Variants in ALKBH8 observed in about 807,000 individuals in gnomAD.
ALKBH8 encodes the protein alkB homolog 8, tRNA methyltransferase.
A neutral mutation model predicts 59.8 loss-of-function variants in ALKBH8; 36 were observed. The ratio of observed to expected loss-of-function variants is 0.60; its 90% CI spans 0.46 to 0.79. The LOEUF (loss-of-function observed/expected upper bound fraction) is 0.79. Ranked by LOEUF, ALKBH8 falls within the 30% of genes least tolerant of loss-of-function variation. The probability of loss-of-function intolerance (pLI) is 0.00; values close to 1 mark genes in which losing one functional copy is unlikely to be tolerated. For synonymous variants in ALKBH8, 276 were observed against 273.6 expected, an observed-to-expected ratio of 1.01 and a Z score of -0.09; for missense variants, 768 against 801.0, an observed-to-expected ratio of 0.96 and a Z score of 0.50.
At chr11:107,554,720 T>C (rs1350688633) in intron 3 of ALKBH8, among the ~76,000 whole-genome samples, 1 of 152,210 alleles carries the variant, frequency 6.6e-6, no homozygotes, top group Non-Finnish European at 1.5e-5. Flanking sequence ...ATTAATAACA[T>C]TTCAGAAACA....
intron 9 of ALKBH8, among the ~76,000 whole-genome samples, chr11:107,523,033 C>T (rs963456465): frequency 3.0e-5 from 4 of 133,220 alleles, no homozygotes; most frequent in Non-Finnish European, 6.3e-5. Context: ...CTCAATAAAA[C>T]CCTTCTCTGC....
In ALKBH8 at chr11:107,553,208, G is replaced by C; in HGVS notation, c.500-5C>G. 6.4e-7 allele frequency: 1 copy of C among 1,571,944 alleles called. No individual in the cohort carries two copies. Among genetic ancestry groups the C allele is most frequent in the Non-Finnish European group, 8.7e-7 (1 of 1,153,522 alleles). On this transcript the variant is annotated splice_polypyrimidine_tract_variant and splice_region_variant and intron_variant, in intron 4 of 11. Coordinates refer to ENST00000428149, the MANE Select transcript of ALKBH8 (RefSeq NM_138775.3). ...TGTGTTTTAAGGATTTTTGAGCTGT[G>C]TGAAGAGAACAAAGTAAACAATTAA...
intron 7 of ALKBH8, among the ~76,000 whole-genome samples, chr11:107,544,535 A>C (rs1247321623): frequency 6.6e-6 from 1 of 152,172 alleles, no homozygotes; most frequent in Non-Finnish European, 1.5e-5. Flanking sequence ...AGTGCTTAAA[A>C]GTGAAAAATA....
At chr11:107,530,609 ACACACACAC>A (rs374955049) in intron 8 of ALKBH8, among the ~76,000 whole-genome samples, 5,603 of 25,590 alleles carry the variant, frequency 0.22, 166 homozygotes, top group Non-Finnish European at 0.34. Flanking sequence ...TAACACACAC[ACACACACAC>A]ACACACACAC....
rs997440715 is a variant in ALKBH8 at position 107,551,812 on chromosome 11, C to T, written c.696G>A (p.Gly232=). The change falls in exon 6 of 12, where the codon GGG becomes GGA. Residue 232 remains glycine, a synonymous_variant. Coordinates refer to ENST00000428149, the MANE Select transcript of ALKBH8 (RefSeq NM_138775.3). ...TTTTGAACAAGAAATACTCACCTTGCCCAGGTTCATACTGATTTATGGTCA... is the reference window on the plus strand; with the variant it reads ...TTTTGAACAAGAAATACTCACCTTGTCCAGGTTCATACTGATTTATGGTCA... ...DQMTINQYEP[G]QGIPAHIDTH... is the part of the protein sequence containing the mutation. 3 of 1,534,362 alleles carry T rather than the reference C, an allele frequency of 2.0e-6. No individual in the cohort carries two copies. Among genetic ancestry groups the T allele is most frequent in the Non-Finnish European group, 2.6e-6 (3 of 1,147,744 alleles).
intron 7 of ALKBH8, 24 bp downstream of exon 7, chr11:107,549,729 T>C (rs1864415088): frequency 2.0e-6 from 3 of 1,482,672 alleles, no homozygotes; most frequent in Non-Finnish European, 2.8e-6. Context: ...TATATGATGA[T>C]AGCTAATAAA....
intron 8 of ALKBH8, among the ~76,000 whole-genome samples, chr11:107,528,551 A>C (rs1312681059): frequency 6.6e-6 from 1 of 152,226 alleles, no homozygotes; most frequent in Non-Finnish European, 1.5e-5. Flanking sequence ...TAGAGGAATA[A>C]GTATCTTGAA....
intron 10 of ALKBH8, among the ~76,000 whole-genome samples, chr11:107,520,810 T>A (rs1863079603): frequency 6.6e-6 from 1 of 152,172 alleles, no homozygotes; most frequent in Non-Finnish European, 1.5e-5. Flanking sequence ...AACTCTACAT[T>A]TCCTAAGCTG....
Position 107,532,369 on chromosome 11 carries a change from A to C in ALKBH8, c.809T>G (p.Val270Gly). ...ACTCCGACGAGGCAACATAACTGGC[A>C]CTGCAATGCCATCTGGGTGCTTAAA... Reference protein sequence around the residue: ...MDFKHPDGIAVPVMLPRRSLL... With the variant: ...MDFKHPDGIAGPVMLPRRSLL... The change falls in exon 8 of 12, where the codon GTG (valine) becomes GGG (glycine). Residue 270 changes from valine to glycine, a missense_variant. By Grantham distance (109) the Val-to-Gly change is moderately radical. Transcript: ENST00000428149. 6.2e-7 allele frequency: 1 copy of C among 1,613,756 alleles called. No homozygotes were observed. The highest frequency in any genetic ancestry group is 8.5e-7 in the Non-Finnish European group (1 of 1,179,722).
rs1334602224 is a variant in ALKBH8, at chr11:107,522,555, C to T, written c.1031G>A (p.Ser344Asn). 5.2e-6 allele frequency: 8 copies of T among 1,549,974 alleles called. No individual in the cohort carries two copies. The East Asian group carries it at 1.5e-4, about 28-fold the overall frequency. The change falls in exon 10 of 12, where the codon AGT (serine) becomes AAT (asparagine). Residue 344 changes from serine (S) to asparagine (N), a missense_variant and splice_region_variant. By Grantham distance (46) the Ser-to-Asn change is conservative. Transcript: ENST00000428149. ...RKVRQTPCNC[S>N]YPLVCDSQRK... The stretch of plus-strand genomic sequence containing the variant: ...CTGGCTATCACAGACCAACGGGTAA[C>T]CTTAATGAAAAAGCAATACACACCT...
chr11:107,535,576 T>C (rs1296991361), intron 7 of ALKBH8, among the ~76,000 whole-genome samples: 1 of 152,214 alleles, frequency 6.6e-6, no homozygotes, highest in Non-Finnish European at 1.5e-5. Flanking sequence ...TGTCTATTCA[T>C]GTCCTTAGCC....
Position 107,525,601 on chromosome 11 carries a change from A to G in ALKBH8, c.879-9T>C. ...ATTTTCTGCACGTGATTCTAAAAAC[A>G]ATAGTCAAAAAAATTTACTTAACAT... On this transcript the variant is annotated splice_polypyrimidine_tract_variant and intron_variant, in intron 8 of 11. Transcript: ENST00000428149. The G allele has an allele frequency of 7.4e-7, 1 of 1,357,230 alleles. No homozygotes were observed. The highest frequency in any genetic ancestry group is 1.5e-5 in the African/African-American group (1 of 65,668). The allele number at this position is 1,357,230 out of a possible 1,614,324, so 84.1% of individuals were successfully genotyped here.
At position 107,522,487 on chromosome 11, in the gene ALKBH8, C is replaced by T; in HGVS notation, c.1099G>A (p.Ala367Thr). ...ACGTACTCTTGCTCCAGCCGTGAGG[C>T]TTCTTTATCACTCTCTGGAAATGAG... Reference protein sequence around the residue: ...PPSFPESDKEASRLEQEYVHQ... With the variant: ...PPSFPESDKETSRLEQEYVHQ... The change falls in exon 10 of 12, where the codon GCC (alanine) becomes ACC (threonine). Residue 367 changes from alanine to threonine, a missense_variant. Coordinates refer to ENST00000428149, the MANE Select transcript of ALKBH8 (RefSeq NM_138775.3). 6.4e-7 allele frequency: 1 copy of T among 1,551,728 alleles called. No individual in the cohort carries two copies. The highest frequency in any genetic ancestry group is 8.7e-7 in the Non-Finnish European group (1 of 1,146,994).
At chr11:107,508,876 G>C (rs182073081) in intron 11 of ALKBH8, among the ~76,000 whole-genome samples, 6 of 152,212 alleles carry the variant, frequency 3.9e-5, no homozygotes, top group Admixed American at 2.6e-4. Context: ...TTCCCTTATA[G>C]GTACATAGCA....
At chr11:107,558,273 T>C (rs1322027909) in intron 2 of ALKBH8, among the ~76,000 whole-genome samples, 1 of 152,210 alleles carries the variant, frequency 6.6e-6, no homozygotes, top group African/African-American at 2.4e-5. Context: ...AAAGTAAAAC[T>C]GTTTTGTCAT....
intron 8 of ALKBH8, 90 bp from the exon 9 acceptor site, chr11:107,525,682 T>C (rs954026394): frequency 1.1e-6 from 1 of 887,234 alleles, no homozygotes; most frequent in African/African-American, 1.8e-5. Context: ...AGAGAAAATC[T>C]AGAAGAATTT....
chr11:107,514,024 A>G (rs1203609458), intron 10 of ALKBH8, among the ~76,000 whole-genome samples: 1 of 152,116 alleles, frequency 6.6e-6, no homozygotes, highest in African/African-American at 2.4e-5. Flanking sequence ...AAACCTGCAC[A>G]TGTACGCTTG....
chr11:107,543,954 C>T (rs1296559939), intron 7 of ALKBH8, among the ~76,000 whole-genome samples: 1 of 152,118 alleles, frequency 6.6e-6, no homozygotes, highest in Non-Finnish European at 1.5e-5. Context: ...TTTGGCCCCG[C>T]AACAAAATAT....
intron 7 of ALKBH8, among the ~76,000 whole-genome samples, chr11:107,540,412 T>A (rs941626408): frequency 6.6e-6 from 1 of 152,180 alleles, no homozygotes; most frequent in Admixed American, 6.5e-5. Flanking sequence ...TAAGCTCAAG[T>A]GTAATGTAAA....
Sources: allele counts gnomAD v4.1 joint callset (sites outside exome capture counted in the v4.1 genomes callset), GRCh38; gene constraint gnomAD v4.1.1; transcripts MANE v1.5; gene names NCBI Gene and HGNC (gene_info 2026-07-23, HGNC 2026-07-21).